Variants in SLCO1B1 observed in about 807,000 individuals in gnomAD.
SLCO1B1 encodes OATP-2.
A neutral mutation model predicts 70.1 loss-of-function variants in SLCO1B1; 81 were observed. The observed-to-expected ratio is 1.16, with a 90% confidence interval of 0.97 to 1.39. The LOEUF (loss-of-function observed/expected upper bound fraction) is 1.39. Among genes scored for constraint, SLCO1B1 ranks in the 40% most tolerant of loss-of-function variants. The probability of loss-of-function intolerance (pLI) is 0.00; values close to 1 mark genes in which losing one functional copy is unlikely to be tolerated. For missense variants in SLCO1B1, 895 were observed against 799.6 expected, an observed-to-expected ratio of 1.12 and a Z score of -1.44; for synonymous variants, 283 against 271.5, an observed-to-expected ratio of 1.04 and a Z score of -0.42.
At position 21,172,649 on chromosome 12, in the gene SLCO1B1, G is replaced by T; in HGVS notation, c.85-1G>T. 1 of 1,613,556 alleles carries T rather than the reference G, an allele frequency of 6.2e-7. No homozygotes were observed. The highest frequency in any genetic ancestry group is 8.5e-7 in the Non-Finnish European group (1 of 1,179,816). ...CCCCCTTTCCTTCTGATTTTTCTTAGATGTTCTTGGCAGCTCTGTCACTCA... is the reference window on the plus strand; with the variant it reads ...CCCCCTTTCCTTCTGATTTTTCTTATATGTTCTTGGCAGCTCTGTCACTCA... On this transcript the variant is annotated splice_acceptor_variant, in intron 2 of 14. Transcript: ENST00000256958. LOFTEE classifies it high-confidence loss of function.
intron 2 of SLCO1B1, among the ~76,000 whole-genome samples, chr12:21,167,099 C>T (rs1274437135): frequency 6.6e-6 from 1 of 152,034 alleles, no homozygotes; most frequent in Admixed American, 6.6e-5. Context: ...TTTATAAATG[C>T]TTTACCACAA....
chr12:21,204,518 C>CA (rs75620209), intron 10 of SLCO1B1, among the ~76,000 whole-genome samples: 2,016 of 106,938 alleles, frequency 0.019, 34 homozygotes, highest in African/African-American at 0.045. Context: ...ATTTTTTTTC[C>CA]AAAAAAAAAA....
intron 2 of SLCO1B1, among the ~76,000 whole-genome samples, chr12:21,147,393 C>T (rs1462104226): frequency 2.0e-5 from 3 of 152,170 alleles, no homozygotes; most frequent in Middle Eastern, 3.4e-3. Context: ...CCCATCAACC[C>T]GTCATCTACA....
intron 2 of SLCO1B1, among the ~76,000 whole-genome samples, chr12:21,152,693 C>G (rs779386459): frequency 6.6e-6 from 1 of 151,588 alleles, no homozygotes; most frequent in Non-Finnish European, 1.5e-5. Flanking sequence ...CTGGGTATTT[C>G]CTTTCCCTTC....
intron 10 of SLCO1B1, 75 bp from the exon 11 acceptor site, chr12:21,205,793 C>G: frequency 6.5e-6 from 7 of 1,075,998 alleles, no homozygotes; most frequent in Non-Finnish European, 9.6e-6. Context: ...CACTTTACTT[C>G]TTCCTTCTCC....
intron 11 of SLCO1B1, among the ~76,000 whole-genome samples, chr12:21,213,970 A>T (rs1941322103): frequency 1.3e-5 from 2 of 149,944 alleles, no homozygotes; most frequent in Admixed American, 6.6e-5. Flanking sequence ...ATTCTTCTAA[A>T]TTTTTTTCAA....
In SLCO1B1 at chr12:21,238,996, T is replaced by G; in HGVS notation, c.1883T>G (p.Leu628Trp). The G allele has an allele frequency of 6.4e-7, 1 of 1,574,752 alleles. No homozygotes were observed. Among genetic ancestry groups the G allele is most frequent in the Non-Finnish European group, 8.7e-7 (1 of 1,147,226 alleles). ...STSFSRVYLG[L>W]SSMLRVSSLV... is the part of the protein sequence containing the mutation. ...TTCTACAGAAGGGTCTACTTGGGCT[T>G]GTCTTCAATGTTAAGAGTCTCATCA... The change falls in exon 15 of 15, where the codon TTG becomes TGG. Residue 628 changes from leucine to tryptophan, a missense_variant. Transcript: ENST00000256958.
At chr12:21,200,751 A>G in intron 9 of SLCO1B1, 79 bp downstream of exon 9, 1 of 1,266,534 alleles carries the variant, frequency 7.9e-7, no homozygotes, top group Non-Finnish European at 1.1e-6. Context: ...TTTTATTGTG[A>G]AAGTGATTTT....
chr12:21,172,872 G>A, intron 3 of SLCO1B1, 81 bp downstream of exon 3: 1 of 1,335,290 alleles, frequency 7.5e-7, no homozygotes, highest in South Asian at 1.3e-5. Flanking sequence ...TTATCAACTG[G>A]GGTAAATTTA....
intron 2 of SLCO1B1, among the ~76,000 whole-genome samples, chr12:21,143,783 T>A (rs2121044512): frequency 6.6e-6 from 1 of 152,174 alleles, no homozygotes; most frequent in Middle Eastern, 3.4e-3. Flanking sequence ...CTTTTATAAG[T>A]GGTGTCTTTA....
At chr12:21,174,833 T>G in intron 4 of SLCO1B1, 124 bp downstream of exon 4, 1 of 890,866 alleles carries the variant, frequency 1.1e-6, no homozygotes, top group Non-Finnish European at 1.7e-6. Flanking sequence ...ACTAAGTGTG[T>G]ACAGAAATGA....
At chr12:21,173,683 A>AT (rs1310182001) in intron 3 of SLCO1B1, among the ~76,000 whole-genome samples, 7 of 135,646 alleles carry the variant, frequency 5.2e-5, no homozygotes, top group South Asian at 4.6e-4. Flanking sequence ...TTTTTATGCT[A>AT]TTTTTTTTCA....
intron 8 of SLCO1B1, among the ~76,000 whole-genome samples, chr12:21,199,281 T>C (rs776480785): frequency 1.3e-5 from 2 of 152,202 alleles, no homozygotes; most frequent in Non-Finnish European, 2.9e-5. Flanking sequence ...TGGCTCTGTC[T>C]TGATGAACTC....
chr12:21,163,467 C>G (rs560968587), intron 2 of SLCO1B1, among the ~76,000 whole-genome samples: 22 of 152,180 alleles, frequency 1.4e-4, no homozygotes, highest in Non-Finnish European at 2.1e-4. Context: ...AGATGTTTTA[C>G]AAAGTAATTA....
rs536352935 is a variant in SLCO1B1 at position 21,187,076 on chromosome 12, T to A, written c.727+8056T>A. ...CATATCTGCATGAGCAGGTTTTTAA[T>A]GCAGATGAAAGTGTCCTATCCTGGG... On this transcript the variant is annotated intron_variant, in intron 7 of 14. Transcript: ENST00000256958. Among the ~76,000 whole-genome samples the A allele has an allele frequency of 4.6e-5, 7 of 152,244 alleles. No individual in the cohort carries two copies. In the East Asian group the frequency reaches 1.2e-3, roughly 25 times the overall value.
At chr12:21,163,467 C>A (rs560968587) in intron 2 of SLCO1B1, among the ~76,000 whole-genome samples, 34 of 152,064 alleles carry the variant, frequency 2.2e-4, no homozygotes, top group African/African-American at 7.7e-4. Context: ...AGATGTTTTA[C>A]AAAGTAATTA....
intron 2 of SLCO1B1, among the ~76,000 whole-genome samples, chr12:21,148,815 G>A (rs536869737): frequency 2.0e-5 from 3 of 151,400 alleles, no homozygotes; most frequent in African/African-American, 7.3e-5. Flanking sequence ...ACTTTGGGCA[G>A]TATGGCCATT....
At chr12:21,149,811 T>C (rs1188108612) in intron 2 of SLCO1B1, among the ~76,000 whole-genome samples, 1 of 152,108 alleles carries the variant, frequency 6.6e-6, no homozygotes, top group East Asian at 1.9e-4. Flanking sequence ...CAGGATTTTC[T>C]TTTTAAACCC....
chr12:21,204,100 A>G (rs1941186818), intron 10 of SLCO1B1, among the ~76,000 whole-genome samples: 1 of 151,984 alleles, frequency 6.6e-6, no homozygotes, highest in Non-Finnish European at 1.5e-5. Context: ...AATATAATTA[A>G]TGGATTCAAC....
Sources: allele counts gnomAD v4.1 joint callset (sites outside exome capture counted in the v4.1 genomes callset), GRCh38; gene constraint gnomAD v4.1.1; transcripts MANE v1.5; gene names NCBI Gene and HGNC (gene_info 2026-07-23, HGNC 2026-07-21).